The following CD180 variants were observed in gnomAD, a reference collection of about 807,000 sequenced individuals.
CD180 encodes the protein CD180 molecule.
A neutral mutation model predicts 10.7 loss-of-function variants in CD180; 11 were observed. That is an observed-to-expected ratio of 1.03 (90% CI 0.65 to 1.70). The LOEUF is 1.70. CD180 is among the 40% of genes most tolerant of loss of function. The pLI is 0.00. For missense variants in CD180, 729 were observed against 775.2 expected (o/e 0.94, Z 0.71); for synonymous variants, 286 against 294.6 (o/e 0.97, Z 0.30).
intron 1 of CD180, among the ~76,000 whole-genome samples, chr5:67,186,677 A>C (rs1490562740): frequency 6.6e-6 from 1 of 152,238 alleles, no homozygotes; most frequent in African/African-American, 2.4e-5. Flanking sequence ...CAAACATTAC[A>C]TACTTTCGTA....
At position 67,182,916 on chromosome 5, in the gene CD180, C is replaced by T. The variant is rs747699790; in HGVS notation, c.1927G>A (p.Ala643Thr). Residue 643 changes from alanine (A) to threonine (T), a missense_variant, in exon 3 of 3, where the codon GCT becomes ACT. Transcript: ENST00000256447. ...TTAACTGCAAAAAATAGCAGAATAGCCAACAATAATAGAAATACTATGAGA... is the reference window on the plus strand; with the variant it reads ...TTAACTGCAAAAAATAGCAGAATAGTCAACAATAATAGAAATACTATGAGA... The part of the protein sequence containing the change: ...FFLIVFLLLL[A>T]ILLFFAVKYL... 8.7e-6 allele frequency: 14 copies of T among 1,613,382 alleles called. No homozygotes were observed. Among genetic ancestry groups the T allele is most frequent in the Non-Finnish European group, 1.2e-5 (14 of 1,179,670 alleles).
At position 67,183,241 on chromosome 5, in the gene CD180, G is replaced by A. The variant is rs761356476; in HGVS notation, c.1602C>T (p.Cys534=). Residue 534 remains cysteine (C), a synonymous_variant, in exon 3 of 3, where the codon TGC becomes TGT. Coordinates refer to ENST00000256447, the MANE Select transcript of CD180 (RefSeq NM_005582.3). ...GATGGCTAAGAGAATCAATGCTGTCGCATGTCAGGCTGTTGTGGCTTAAGT... is the reference window on the plus strand; with the variant it reads ...GATGGCTAAGAGAATCAATGCTGTCACATGTCAGGCTGTTGTGGCTTAAGT... ...HVDLSHNSLT[C]DSIDSLSHLK... is the part of the protein sequence containing the mutation. 13 of 1,613,922 alleles carry A rather than the reference G, an allele frequency of 8.1e-6. No individual in the cohort carries two copies. The highest frequency in any genetic ancestry group is 6.7e-5 in the African/African-American group (5 of 74,914).
Position 67,183,067 on chromosome 5 carries a change from G to C in CD180, c.1776C>G (p.Tyr592Ter). Reference sequence around the variant, plus strand: ...CTTCAAGTTTGTGCAGGTTTTCTTTGTACCATGTTAAGAAATGAATATTCG... The same window carrying C: ...CTTCAAGTTTGTGCAGGTTTTCTTTCTACCATGTTAAGAAATGAATATTCG... ...TCSNIHFLTW[Y>*]KENLHKLEGS... The change falls in exon 3 of 3, where the codon TAC (tyrosine) becomes TAG (stop). Residue 592 changes from tyrosine (Y) to a stop codon, truncating the protein, a stop_gained. Transcript: ENST00000256447. LOFTEE classifies it low-confidence loss of function (END_TRUNC). The C allele has an allele frequency of 6.2e-7, 1 of 1,612,742 alleles. No individual in the cohort carries two copies. The highest frequency in any genetic ancestry group is 8.5e-7 in the Non-Finnish European group (1 of 1,179,270).
intron 2 of CD180, among the ~76,000 whole-genome samples, chr5:67,185,478 G>C (rs777510148): frequency 7.9e-5 from 12 of 152,166 alleles, no homozygotes; most frequent in Non-Finnish European, 1.5e-4. Flanking sequence ...GGGAAAAGTA[G>C]ATGGTGTGCT....
chr5:67,185,710 G>A (rs1742179207), intron 2 of CD180, 141 bp downstream of exon 2: 3 of 499,112 alleles, frequency 6.0e-6, no homozygotes, highest in South Asian at 9.4e-5. Flanking sequence ...CCACATAGGA[G>A]TATTTCATGG....
At chr5:67,196,470 C>T in intron 1 of CD180, 82 bp downstream of exon 1, 2 of 1,335,912 alleles carry the variant, frequency 1.5e-6, no homozygotes, top group South Asian at 1.2e-5. Flanking sequence ...ATTGGGATGC[C>T]AAGGCTCAGA....
In CD180 at chr5:67,191,712, G is replaced by A. The variant is rs532182055; in HGVS notation, c.90+4840C>T. ...TACGGGTCCTAATATTTTTGCTTAAGTCACACATATATAGGGACACAAACA... is the reference window on the plus strand; with the variant it reads ...TACGGGTCCTAATATTTTTGCTTAAATCACACATATATAGGGACACAAACA... On this transcript the variant is annotated intron_variant, in intron 1 of 2. Transcript: ENST00000256447. 2.6e-5 allele frequency among the ~76,000 whole-genome samples: 4 copies of A among 152,186 alleles called. No individual in the cohort carries two copies. The East Asian group carries it at 7.7e-4, about 29-fold the overall frequency.
intron 1 of CD180, among the ~76,000 whole-genome samples, chr5:67,196,014 G>A (rs919004774): frequency 2.0e-5 from 3 of 152,338 alleles, no homozygotes; most frequent in African/African-American, 4.8e-5. Context: ...AACAGAAGGT[G>A]CAATTTGGCT....
At chr5:67,195,272 G>A (rs1355876086) in intron 1 of CD180, among the ~76,000 whole-genome samples, 6 of 152,068 alleles carry the variant, frequency 3.9e-5, no homozygotes, top group African/African-American at 7.2e-5. Flanking sequence ...GCTGGAGTGC[G>A]GTGGCACAAT....
At position 67,183,563 on chromosome 5, in the gene CD180, A is replaced by G; in HGVS notation, c.1280T>C (p.Leu427Ser). The change falls in exon 3 of 3, where the codon TTG becomes TCG. Residue 427 changes from leucine (L) to serine (S), a missense_variant. Physicochemically the swap from Leu to Ser is moderately radical, Grantham distance 145. Coordinates refer to ENST00000256447, the MANE Select transcript of CD180 (RefSeq NM_005582.3). The stretch of plus-strand genomic sequence containing the variant: ...ATTAATGTGTAAGCGGGTAAATGCC[A>G]AATCGAGGAGTTCTAGCTGAGGACA... ...KECPQLELLD[L>S]AFTRLHINAP... The G allele has an allele frequency of 1.9e-6, 3 of 1,614,206 alleles. No homozygotes were observed. In the African/African-American group the frequency reaches 4.0e-5, roughly 22 times the overall value.
chr5:67,183,038 G>C lies in CD180; in HGVS notation c.1805C>G (p.Ser602Trp). The C allele has an allele frequency of 6.2e-7, 1 of 1,613,902 alleles. No individual in the cohort carries two copies. The highest frequency in any genetic ancestry group is 8.5e-7 in the Non-Finnish European group (1 of 1,179,936). ...YKENLHKLEG[S>W]EETTCANPPS... is the part of the protein sequence containing the mutation. ...CGGGTTTGCACACGTGGTCTCCTCC[G>C]AGCCTTCAAGTTTGTGCAGGTTTTC... Residue 602 changes from serine to tryptophan, a missense_variant, in exon 3 of 3, where the codon TCG becomes TGG. Coordinates refer to ENST00000256447, the MANE Select transcript of CD180 (RefSeq NM_005582.3).
Position 67,196,692 on chromosome 5 carries a change from T to C in CD180, c.-51A>G. 6.2e-7 allele frequency: 1 copy of C among 1,608,838 alleles called. No individual in the cohort carries two copies. Among genetic ancestry groups the C allele is most frequent in the South Asian group, 1.1e-5 (1 of 90,950 alleles). ...TTACCTAATGCTTGGAGCTGAGAAA[T>C]GGAATCAAACTGTGAAGGCCCTGGC... On this transcript the variant is annotated 5_prime_UTR_variant, in exon 1 of 3. Coordinates refer to ENST00000256447, the MANE Select transcript of CD180 (RefSeq NM_005582.3).
In CD180 at chr5:67,185,882, G is replaced by A. The variant is rs780734701; in HGVS notation, c.226C>T (p.Leu76Phe). 1.9e-5 allele frequency: 31 copies of A among 1,606,066 alleles called. No homozygotes were observed. Among genetic ancestry groups the A allele is most frequent in the Non-Finnish European group, 2.5e-5 (29 of 1,176,334 alleles). Residue 76 changes from leucine (L) to phenylalanine (F), a missense_variant, in exon 2 of 3, where the codon CTC (leucine) becomes TTC (phenylalanine). Coordinates refer to ENST00000256447, the MANE Select transcript of CD180 (RefSeq NM_005582.3). ...AAATCCAAAAAGGTAAGATTCATGAGTCTGCTGAAGGTTCTATTGTGAATT... is the reference window on the plus strand; with the variant it reads ...AAATCCAAAAAGGTAAGATTCATGAATCTGCTGAAGGTTCTATTGTGAATT... ...PTIHNRTFSRLMNLTFLDLTR... is the reference protein window; with the variant it reads ...PTIHNRTFSRFMNLTFLDLTR...
In CD180 at chr5:67,181,751, T is replaced by C. The variant is rs1192809358; in HGVS notation, c.*1106A>G. Reference sequence around the variant, plus strand: ...GCCCTTTAAGCCTAAGTCATGACATTGCTCTTTGTCTATCTGCATTCAGTG... The same window carrying C: ...GCCCTTTAAGCCTAAGTCATGACATCGCTCTTTGTCTATCTGCATTCAGTG... On this transcript the variant is annotated 3_prime_UTR_variant, in exon 3 of 3. Transcript: ENST00000256447. 2 of 152,176 alleles carry C rather than the reference T, an allele frequency of 1.3e-5. No individual in the cohort carries two copies. Among genetic ancestry groups the C allele is most frequent in the African/African-American group, 4.8e-5 (2 of 41,436 alleles). The allele number at this position is 152,176 out of a possible 1,614,324, so 9.4% of individuals were successfully genotyped here.
chr5:67,188,230 C>T (rs114074150), intron 1 of CD180, among the ~76,000 whole-genome samples: 308 of 152,174 alleles, frequency 2.0e-3, no homozygotes, highest in African/African-American at 7.3e-3. Flanking sequence ...CACATGCTTG[C>T]TTTCACCTTC....
chr5:67,192,680 G>T (rs1288445798), intron 1 of CD180, among the ~76,000 whole-genome samples: 1 of 152,106 alleles, frequency 6.6e-6, no homozygotes, highest in Non-Finnish European at 1.5e-5. Flanking sequence ...GCACCAAGCT[G>T]TGACGGAGCT....
Position 67,182,880 on chromosome 5 carries a change from T to C in CD180, c.1963A>G (p.Arg655Gly). ...LLFFAVKYLL[R>G]WKYQHI ...CACTAAATGTGTTGGTATTTCCACC[T>C]GAGAAGGTATTTAACTGCAAAAAAT... Residue 655 changes from arginine (R) to glycine (G), a missense_variant, in exon 3 of 3, where the codon AGG (arginine) becomes GGG (glycine). By Grantham distance (125) the Arg-to-Gly change is moderately radical (BLOSUM62 -2). Coordinates refer to ENST00000256447, the MANE Select transcript of CD180 (RefSeq NM_005582.3). 1 of 1,608,356 alleles carries C rather than the reference T, an allele frequency of 6.2e-7. No individual in the cohort carries two copies. The highest frequency in any genetic ancestry group is 8.5e-7 in the Non-Finnish European group (1 of 1,176,850).
intron 2 of CD180, among the ~76,000 whole-genome samples, chr5:67,185,394 C>T (rs1201220293): frequency 6.6e-6 from 1 of 152,004 alleles, no homozygotes; most frequent in Non-Finnish European, 1.5e-5. Context: ...GGTTCTCAAA[C>T]ACTGGCTCAG....
At position 67,181,366 on chromosome 5, in the gene CD180, A is replaced by C. The variant is rs191873751; in HGVS notation, c.*1491T>G. On this transcript the variant is annotated 3_prime_UTR_variant, in exon 3 of 3. Transcript: ENST00000256447. ...AGGCCAATGGCAGCATCTTAGAGGC[A>C]AAGGAAAGAGCAAGTGTGAAGGCCT... 2.0e-5 allele frequency: 3 copies of C among 152,324 alleles called. No homozygotes were observed. In the East Asian group the frequency reaches 5.8e-4, roughly 29 times the overall value. 9.4% of individuals were successfully genotyped at this position (152,324 alleles called of 1,614,324 possible).
Sources: gnomAD v4.1 joint callset for allele counts (sites outside exome capture counted in the v4.1 genomes callset) on GRCh38, gnomAD v4.1.1 for gene constraint, MANE v1.5 for transcripts, NCBI Gene and HGNC (gene_info 2026-07-23, HGNC 2026-07-21) for gene names.